The following RAB3C variants were observed in gnomAD, a reference collection of about 807,000 sequenced individuals.
RAB3C encodes ras-related protein Rab-3C.
Under a neutral mutation model 26.4 loss-of-function variants are expected in RAB3C, and 17 were observed. That is an observed-to-expected ratio of 0.64 (90% CI 0.44 to 0.97). The LOEUF (loss-of-function observed/expected upper bound fraction) is 0.97, where lower values mean the gene tolerates loss of function less well. Ranked by LOEUF, RAB3C falls within the 50% of genes least tolerant of loss-of-function variation. RAB3C has a pLI of 0.00. For synonymous variants in RAB3C, 91 were observed against 95.9 expected, an observed-to-expected ratio of 0.95 and a Z score of 0.30; for missense variants, 242 against 281.9, an observed-to-expected ratio of 0.86 and a Z score of 1.01.
chr5:58,817,446 A>G (rs1265246893), intron 3 of RAB3C, among the ~76,000 whole-genome samples: 1 of 152,168 alleles, frequency 6.6e-6, no homozygotes. Flanking sequence ...TAAACTTCCT[A>G]AAACTACCTA....
intron 3 of RAB3C, chr5:58,794,262 C>G (rs1742594539): frequency 1.7e-5 from 2 of 117,108 alleles, no homozygotes; most frequent in Admixed American, 8.3e-5. Context: ...TTTTTCTTTT[C>G]TTTCCTTTTT....
At chr5:58,657,612 A>G (rs1004544008) in intron 2 of RAB3C, among the ~76,000 whole-genome samples, 1 of 152,152 alleles carries the variant, frequency 6.6e-6, no homozygotes, top group African/African-American at 2.4e-5. Context: ...AAAGAATGGC[A>G]GATGGTGAGG....
chr5:58,586,756 A>G (rs944776046), intron 1 of RAB3C, among the ~76,000 whole-genome samples: 2 of 152,122 alleles, frequency 1.3e-5, no homozygotes, highest in East Asian at 1.9e-4. Context: ...TTGGCTAAAG[A>G]TGAGGAGGAT....
In RAB3C at chr5:58,852,451, G is replaced by T. The variant is rs1375568826; in HGVS notation, c.*1100G>T. 1 of 152,138 alleles carries T rather than the reference G, an allele frequency of 6.6e-6. No individual in the cohort carries two copies. Among genetic ancestry groups the T allele is most frequent in the Non-Finnish European group, 1.5e-5 (1 of 68,016 alleles). 9.4% of individuals were successfully genotyped at this position (152,138 alleles called of 1,614,324 possible). The stretch of plus-strand genomic sequence containing the variant: ...ATCAGATTTCAAAGGGTCCCCAGTT[G>T]AGAAAAAGGAAAATTTTAATCTTTA... On this transcript the variant is annotated 3_prime_UTR_variant, in exon 5 of 5. Coordinates refer to ENST00000282878, the MANE Select transcript of RAB3C (RefSeq NM_138453.4).
At chr5:58,726,656 C>T (rs1309477122) in intron 3 of RAB3C, among the ~76,000 whole-genome samples, 1 of 151,926 alleles carries the variant, frequency 6.6e-6, no homozygotes, top group Non-Finnish European at 1.5e-5. Context: ...AGTTTATGGA[C>T]CCCTTATCCA....
At chr5:58,715,124 A>G (rs1231766282) in intron 2 of RAB3C, among the ~76,000 whole-genome samples, 1 of 152,028 alleles carries the variant, frequency 6.6e-6, no homozygotes, top group Non-Finnish European at 1.5e-5. Context: ...TTCAACCAGA[A>G]TCTAAGTTTC....
At chr5:58,631,030 C>T (rs6882215) in intron 2 of RAB3C, among the ~76,000 whole-genome samples, 2,268 of 152,272 alleles carry the variant, frequency 0.015, 45 homozygotes, top group African/African-American at 0.051. Flanking sequence ...CAAATGAAGA[C>T]TAAACCAGAG....
intron 2 of RAB3C, among the ~76,000 whole-genome samples, chr5:58,720,569 G>A (rs187604362): frequency 1.3e-5 from 2 of 151,852 alleles, no homozygotes; most frequent in Admixed American, 1.3e-4. Context: ...AAACTCATTA[G>A]GTTTTTTGTC....
At chr5:58,594,922 T>C (rs1228459193) in intron 1 of RAB3C, among the ~76,000 whole-genome samples, 1 of 151,932 alleles carries the variant, frequency 6.6e-6, no homozygotes, top group East Asian at 1.9e-4. Flanking sequence ...AGAGGTTTTC[T>C]TTATACCACA....
At chr5:58,639,158 A>G (rs570551958) in intron 2 of RAB3C, among the ~76,000 whole-genome samples, 2 of 152,324 alleles carry the variant, frequency 1.3e-5, no homozygotes, top group East Asian at 3.9e-4. Context: ...TGCTTTTCAG[A>G]TAATAGCTGT....
At chr5:58,720,162 T>C (rs2111911119) in intron 2 of RAB3C, among the ~76,000 whole-genome samples, 1 of 152,078 alleles carries the variant, frequency 6.6e-6, no homozygotes, top group East Asian at 1.9e-4. Context: ...AATGGTGATA[T>C]TACTTGAGTT....
chr5:58,689,248 T>C (rs1748512004), intron 2 of RAB3C: 2 of 152,106 alleles, frequency 1.3e-5, no homozygotes, highest in African/African-American at 2.4e-5. Flanking sequence ...TAATATTGTT[T>C]TCTTAATTTA....
At chr5:58,594,274 T>C (rs1746197872) in intron 1 of RAB3C, among the ~76,000 whole-genome samples, 1 of 152,228 alleles carries the variant, frequency 6.6e-6, no homozygotes, top group Non-Finnish European at 1.5e-5. Context: ...ATGACCCTCC[T>C]GTGACTCTCA....
chr5:58,840,304 T>C (rs1743849797), intron 4 of RAB3C, among the ~76,000 whole-genome samples: 1 of 152,166 alleles, frequency 6.6e-6, no homozygotes, highest in Non-Finnish European at 1.5e-5. Flanking sequence ...ATTCTTCAGC[T>C]TTAAGGTTTC....
At chr5:58,797,811 T>C (rs563899782) in intron 3 of RAB3C, among the ~76,000 whole-genome samples, 3 of 152,336 alleles carry the variant, frequency 2.0e-5, no homozygotes, top group South Asian at 2.1e-4. Context: ...ATCCCCATTA[T>C]GGTTTCTCCC....
intron 2 of RAB3C, among the ~76,000 whole-genome samples, chr5:58,675,985 G>A (rs1296170825): frequency 6.6e-6 from 1 of 151,986 alleles, no homozygotes; most frequent in Non-Finnish European, 1.5e-5. Flanking sequence ...GGAAGGGCAG[G>A]GCTTTCCTGG....
chr5:58,842,051 T>A (rs1743887560), intron 4 of RAB3C, among the ~76,000 whole-genome samples: 1 of 152,212 alleles, frequency 6.6e-6, no homozygotes, highest in South Asian at 2.1e-4. Flanking sequence ...GCCAACTCAA[T>A]GCAGGCATCC....
At chr5:58,822,991 G>A in intron 3 of RAB3C, 1 of 616,128 alleles carries the variant, frequency 1.6e-6, no homozygotes, top group Non-Finnish European at 3.1e-6. Context: ...AAGTTTTTGG[G>A]GCCTTGAAGG....
intron 2 of RAB3C, among the ~76,000 whole-genome samples, chr5:58,706,245 A>G (rs1748941382): frequency 6.6e-6 from 1 of 152,150 alleles, no homozygotes; most frequent in Non-Finnish European, 1.5e-5. Context: ...TACAGCTACA[A>G]GTTGTAGGAC....
Sources: allele counts gnomAD v4.1 joint callset (sites outside exome capture counted in the v4.1 genomes callset), GRCh38; gene constraint gnomAD v4.1.1; transcripts MANE v1.5; gene names NCBI Gene and HGNC (gene_info 2026-07-23, HGNC 2026-07-21).